The following MEI4 variants were observed in gnomAD, a reference collection of about 807,000 sequenced individuals.
The protein encoded by MEI4 is meiotic double-stranded break formation protein 4, also known as meiosis-specific protein MEI4.
A neutral mutation model predicts 31.4 loss-of-function variants in MEI4; 27 were observed. That is an observed-to-expected ratio of 0.86 (90% confidence interval 0.63 to 1.19). The LOEUF (loss-of-function observed/expected upper bound fraction) is 1.19, where lower values mean the gene tolerates loss of function less well. MEI4 is among the 50% of genes most tolerant of loss of function. The probability of loss-of-function intolerance (pLI) is 0.00; values close to 1 mark genes in which losing one functional copy is unlikely to be tolerated. For missense variants in MEI4, 329 were observed against 398.9 expected (o/e 0.82, Z 1.49); for synonymous variants, 122 against 145.4 (o/e 0.84, Z 1.16).
chr6:77,711,889 A>G (rs1210062541), intron 2 of MEI4, among the ~76,000 whole-genome samples: 1 of 152,154 alleles, frequency 6.6e-6, no homozygotes, highest in Non-Finnish European at 1.5e-5. Context: ...TTTGGGGTAT[A>G]CTTTTGAAAC....
At chr6:77,662,135 C>T (rs940116964) in intron 1 of MEI4, among the ~76,000 whole-genome samples, 2 of 152,118 alleles carry the variant, frequency 1.3e-5, no homozygotes, top group Non-Finnish European at 2.9e-5. Context: ...GATATTGACG[C>T]GTAGTCCTTT....
At chr6:77,848,029 C>T (rs1355602071) in intron 4 of MEI4, among the ~76,000 whole-genome samples, 9 of 152,228 alleles carry the variant, frequency 5.9e-5, no homozygotes, top group African/African-American at 9.6e-5. Context: ...AGAATGATTT[C>T]GGGTACAAAC....
intron 3 of MEI4, among the ~76,000 whole-genome samples, chr6:77,787,163 C>G (rs759565068): frequency 2.0e-5 from 3 of 151,856 alleles, no homozygotes; most frequent in Admixed American, 6.6e-5. Flanking sequence ...GACACTGAAG[C>G]AGCCAGGTTA....
At position 77,791,351 on chromosome 6, in the gene MEI4, A is replaced by G. The variant is rs551700118; in HGVS notation, c.768+29686A>G. Among the ~76,000 whole-genome samples the G allele has an allele frequency of 4.1e-4, 63 of 152,078 alleles. 1 individual carries two copies. In the East Asian group the frequency reaches 0.011, roughly 28 times the overall value. The stretch of plus-strand genomic sequence containing the variant: ...ATACACCATGGAATACTACGCAGCC[A>G]TAAAAAATGATGAGTTCATGTCCTT... On this transcript the variant is annotated intron_variant, in intron 3 of 4. Coordinates refer to ENST00000684080, the MANE Select transcript of MEI4 (RefSeq NM_001322247.2).
chr6:77,757,327 C>T (rs1767941093), intron 2 of MEI4, among the ~76,000 whole-genome samples: 1 of 152,142 alleles, frequency 6.6e-6, no homozygotes, highest in Non-Finnish European at 1.5e-5. Context: ...TTAAAGCATT[C>T]CTTTAGAGCA....
chr6:77,705,505 G>A (rs955076925), intron 2 of MEI4, among the ~76,000 whole-genome samples: 4 of 152,264 alleles, frequency 2.6e-5, no homozygotes, highest in Non-Finnish European at 2.9e-5. Flanking sequence ...AGCTAAAATA[G>A]TAATCTTGAT....
At chr6:77,804,081 A>C (rs751005573) in intron 3 of MEI4, among the ~76,000 whole-genome samples, 4 of 152,188 alleles carry the variant, frequency 2.6e-5, no homozygotes, top group Non-Finnish European at 5.9e-5. Flanking sequence ...TGAAGTCTAC[A>C]GAGGCAGGCA....
intron 3 of MEI4, among the ~76,000 whole-genome samples, chr6:77,822,395 G>C (rs879875933): frequency 6.6e-6 from 1 of 151,886 alleles, no homozygotes; most frequent in Non-Finnish European, 1.5e-5. Flanking sequence ...TTATGGTAAG[G>C]GTTTATCATG....
chr6:77,836,187 G>A (rs1272423755), intron 4 of MEI4, among the ~76,000 whole-genome samples: 2 of 152,048 alleles, frequency 1.3e-5, no homozygotes, highest in Admixed American at 6.5e-5. Context: ...AAAATGAATC[G>A]TTAATTTTTA....
intron 2 of MEI4, among the ~76,000 whole-genome samples, chr6:77,737,732 C>A (rs1767289820): frequency 6.6e-6 from 1 of 151,910 alleles, no homozygotes; most frequent in Non-Finnish European, 1.5e-5. Context: ...CAAAGGGGAA[C>A]AAGGAAAGAA....
At chr6:77,921,799 G>A (rs1363240952) in intron 4 of MEI4, among the ~76,000 whole-genome samples, 1 of 151,772 alleles carries the variant, frequency 6.6e-6, no homozygotes, top group Non-Finnish European at 1.5e-5. Context: ...AATTGGTGAA[G>A]CAGTCAGAAC....
intron 2 of MEI4, among the ~76,000 whole-genome samples, chr6:77,702,860 A>G (rs1341258396): frequency 6.6e-6 from 1 of 152,022 alleles, no homozygotes; most frequent in African/African-American, 2.4e-5. Flanking sequence ...TTTTATACAT[A>G]TTCTCTCTGT....
At chr6:77,815,794 A>T (rs1407989921) in intron 3 of MEI4, among the ~76,000 whole-genome samples, 1 of 152,076 alleles carries the variant, frequency 6.6e-6, no homozygotes, top group Non-Finnish European at 1.5e-5. Flanking sequence ...ATTATGTAGT[A>T]ATAGCAGAGG....
chr6:77,888,279 G>A (rs1024635223), intron 4 of MEI4, among the ~76,000 whole-genome samples: 1 of 150,380 alleles, frequency 6.6e-6, no homozygotes, highest in Non-Finnish European at 1.5e-5. Context: ...GATAGGTGAG[G>A]ACTTACTCCT....
intron 3 of MEI4, among the ~76,000 whole-genome samples, chr6:77,781,663 A>C (rs537345727): frequency 1.4e-4 from 21 of 152,302 alleles, no homozygotes; most frequent in African/African-American, 4.8e-4. Flanking sequence ...TAATCTTTAT[A>C]ACAATCCAGG....
intron 2 of MEI4, among the ~76,000 whole-genome samples, chr6:77,727,431 A>G (rs191666491): frequency 2.6e-5 from 4 of 152,198 alleles, no homozygotes; most frequent in Non-Finnish European, 5.9e-5. Flanking sequence ...TTGAAGATAT[A>G]TGTTTAGCAT....
intron 2 of MEI4, among the ~76,000 whole-genome samples, chr6:77,734,459 C>T (rs1357799562): frequency 4.0e-5 from 6 of 151,878 alleles, no homozygotes; most frequent in Admixed American, 1.3e-4. Context: ...AGGATTGCAA[C>T]CCCTGCCTTT....
chr6:77,922,221 G>C (rs914236957), intron 4 of MEI4, among the ~76,000 whole-genome samples: 1 of 151,572 alleles, frequency 6.6e-6, no homozygotes, highest in African/African-American at 2.4e-5. Flanking sequence ...TTTCGTAAAT[G>C]TTCCCAAAGG....
At chr6:77,746,926 A>G (rs749774854) in intron 2 of MEI4, among the ~76,000 whole-genome samples, 15 of 152,224 alleles carry the variant, frequency 9.9e-5, no homozygotes, top group East Asian at 1.9e-4. Flanking sequence ...TCAGTTCTAT[A>G]AAGTTTATGA....
Sources: allele counts gnomAD v4.1 joint callset (sites outside exome capture counted in the v4.1 genomes callset), GRCh38; gene constraint gnomAD v4.1.1; transcripts MANE v1.5; gene names NCBI Gene and HGNC (gene_info 2026-07-23, HGNC 2026-07-21).